PRPS1: variants seen among roughly 807,000 people sequenced by gnomAD.
PRPS1 encodes phosphoribosyl pyrophosphate synthetase 1.
PRPS1 carries 1 observed loss-of-function variant against 16.9 expected under a neutral mutation model. The observed-to-expected ratio is 0.06, with a 90% CI of 0.02 to 0.28. The LOEUF (loss-of-function observed/expected upper bound fraction) is 0.28. Ranked by LOEUF, PRPS1 falls within the 10% of genes least tolerant of loss-of-function variation. PRPS1 has a pLI of 1.00. For missense variants in PRPS1, 47 were observed against 254.0 expected (o/e 0.19, Z 5.54); for synonymous variants, 70 against 90.2 (o/e 0.78, Z 1.27).
chrX:107,645,445 T>C (rs1283969652), intron 5 of PRPS1, 95 bp downstream of exon 5: 1 of 1,043,008 alleles, frequency 9.6e-7, no homozygotes, highest in East Asian at 3.0e-5. Context: ...TGGAACCAAA[T>C]TGAGGGGATA....
At chrX:107,647,500 T>TA in intron 5 of PRPS1, 106 bp from the exon 6 acceptor site, 3 of 869,789 alleles carry the variant, frequency 3.4e-6, no homozygotes, top group Non-Finnish European at 4.9e-6. Flanking sequence ...TTTTTTTTCA[T>TA]ATGATATTTT....
chrX:107,645,357 G>T lies in PRPS1; in HGVS notation c.704+7G>T. On this transcript the variant is annotated splice_region_variant and intron_variant, in intron 5 of 6. Coordinates refer to ENST00000372435, the MANE Select transcript of PRPS1 (RefSeq NM_002764.4). ...TCTGCCATGCAGCTGACAAGTAAGT[G>T]TGGATTGATGGGGCTGGTAGTTAGA... The T allele has an allele frequency of 8.3e-7, 1 of 1,211,544 alleles. No individual in the cohort carries two copies. The highest frequency in any genetic ancestry group is 1.1e-6 in the Non-Finnish European group (1 of 895,218).
chrX:107,628,805 TAG>T (rs1047645641), intron 1 of PRPS1, 55 bp downstream of exon 1: 2 of 1,204,227 alleles, frequency 1.7e-6, no homozygotes, highest in African/African-American at 3.5e-5. Flanking sequence ...CGGCAGAGTA[TAG>T]GAGGGATGGG....
At chrX:107,639,558 A>AAT in intron 2 of PRPS1, 80 bp downstream of exon 2, 1 of 1,004,453 alleles carries the variant, frequency 1.0e-6, no homozygotes, top group South Asian at 2.0e-5. Context: ...AAAATTATCA[A>AAT]ATATATATTT....
rs1436656894 is a variant in PRPS1 at position 107,650,107 on chromosome X, TCAG to T, written c.*79_*81del. ...TTCCCCTTGGTATTTGATGACAAAT[TCAG>T]CAGAAGACCCGGCTTGCTCCAGTGT... On this transcript the variant is annotated 3_prime_UTR_variant, in exon 7 of 7. Transcript: ENST00000372435. The T allele has an allele frequency of 8.3e-7, 1 of 1,204,327 alleles. No individual in the cohort carries two copies. Among genetic ancestry groups the T allele is most frequent in the East Asian group, 3.0e-5 (1 of 33,569 alleles).
At chrX:107,628,850 G>T (rs1375716685) in intron 1 of PRPS1, 100 bp downstream of exon 1, 4 of 1,111,561 alleles carry the variant, frequency 3.6e-6, no homozygotes, top group South Asian at 3.8e-5. Flanking sequence ...ACTGGGGGTT[G>T]GGGGGAGAGG....
intron 6 of PRPS1, 70 bp from the exon 7 acceptor site, chrX:107,649,870 A>G (rs1466390534): frequency 3.5e-5 from 42 of 1,209,227 alleles, no homozygotes; most frequent in Non-Finnish European, 4.4e-5. Flanking sequence ...GCTGCTCATC[A>G]GTGTCTGCAA....
At chrX:107,635,476 C>G (rs149666552) in intron 1 of PRPS1, among the ~76,000 whole-genome samples, 1,547 of 108,481 alleles carry the variant, frequency 0.014, 29 homozygotes, top group African/African-American at 0.05. Flanking sequence ...GTGTCTCACT[C>G]TGTCACCCAG....
At chrX:107,649,276 A>G (rs991246862) in intron 6 of PRPS1, among the ~76,000 whole-genome samples, 4 of 110,080 alleles carry the variant, frequency 3.6e-5, no homozygotes, top group African/African-American at 1.3e-4. Context: ...TTGTAGAGAC[A>G]GAGTTTCACC....
chrX:107,630,060 C>A (rs1363190191), intron 1 of PRPS1: 1 of 112,311 alleles, frequency 8.9e-6, no homozygotes, highest in Non-Finnish European at 1.9e-5. Context: ...ACAGCTTCTT[C>A]CCGAATTATT....
At position 107,650,098 on chromosome X, in the gene PRPS1, A is replaced by G. The variant is rs1297624142; in HGVS notation, c.*66A>G. ...CACCCTTGTTTCCCCTTGGTATTTG[A>G]TGACAAATTCAGCAGAAGACCCGGC... is the stretch of plus-strand genomic sequence containing the variant. On this transcript the variant is annotated 3_prime_UTR_variant, in exon 7 of 7. Transcript: ENST00000372435. 1 of 1,206,294 alleles carries G rather than the reference A, an allele frequency of 8.3e-7. No homozygotes were observed. The highest frequency in any genetic ancestry group is 1.8e-5 in the African/African-American group (1 of 57,028).
Position 107,639,318 on chromosome X carries a change from G to A in PRPS1, c.146G>A (p.Arg49His), listed in dbSNP as rs1925521031. ...ETCVEIGESV[R>H]GEDVYIVQSG... ...AGTGTGGAAATTGGTGAAAGTGTAC[G>A]TGGAGAGGATGTCTACATTGTTCAG... is the stretch of plus-strand genomic sequence containing the variant. The change falls in exon 2 of 7, where the codon CGT becomes CAT. Residue 49 changes from arginine to histidine, a missense_variant. By Grantham distance (29) the Arg-to-His change is conservative (BLOSUM62 0). Around this residue, in one of 3 missense-constraint regions of PRPS1, gnomAD observed 19 missense variants for 155.6 expected, o/e 0.12. Coordinates refer to ENST00000372435, the MANE Select transcript of PRPS1 (RefSeq NM_002764.4). The A allele has an allele frequency of 8.3e-7, 1 of 1,209,377 alleles. No individual in the cohort carries two copies. Among genetic ancestry groups the A allele is most frequent in the African/African-American group, 1.8e-5 (1 of 57,077 alleles).
chrX:107,641,063 G>A (rs1343920911), intron 3 of PRPS1, 63 bp downstream of exon 3: 2 of 1,209,245 alleles, frequency 1.7e-6, no homozygotes, highest in Non-Finnish European at 2.2e-6. Context: ...TGATGCTGAA[G>A]ACTGCAGAGA....
At position 107,639,275 on chromosome X, in the gene PRPS1, T is replaced by A. The variant is rs1925520381; in HGVS notation, c.123-20T>A. On this transcript the variant is annotated intron_variant, in intron 1 of 6. Coordinates refer to ENST00000372435, the MANE Select transcript of PRPS1 (RefSeq NM_002764.4). ...CAGTGGTTTAAAATCTATTTCATGT[T>A]CTTTCTTTCCTCATTGTAGTGTGGA... 1 of 1,205,927 alleles carries A rather than the reference T, an allele frequency of 8.3e-7. No homozygotes were observed. Among genetic ancestry groups the A allele is most frequent in the African/African-American group, 1.7e-5 (1 of 57,188 alleles).
rs1358941044 is a variant in PRPS1, at chrX:107,650,703, T to C, written c.*671T>C. ...GATTTGGCTTTACCTTCATCTATCT[T>C]GATCCTTTCCTGGCCAAATATCCTC... On this transcript the variant is annotated 3_prime_UTR_variant, in exon 7 of 7. Transcript: ENST00000372435. The C allele has an allele frequency of 2.4e-5, 7 of 296,831 alleles. No homozygotes were observed. The highest frequency in any genetic ancestry group is 4.1e-5 in the Non-Finnish European group (7 of 170,856). 24.5% of individuals were successfully genotyped at this position (296,831 alleles called of 1,213,427 possible).
intron 4 of PRPS1, among the ~76,000 whole-genome samples, chrX:107,642,775 C>T (rs1314837034): frequency 1.8e-5 from 2 of 111,630 alleles, no homozygotes; most frequent in Non-Finnish European, 3.8e-5. Context: ...AGCTATAAAC[C>T]TTTTGGGAAG....
intron 4 of PRPS1, among the ~76,000 whole-genome samples, chrX:107,643,701 G>A (rs1328813350): frequency 9.0e-6 from 1 of 111,241 alleles, no homozygotes; most frequent in East Asian, 2.8e-4. Context: ...GAATTTGTTG[G>A]CCTTTGAGTA....
At position 107,628,619 on chromosome X, in the gene PRPS1, G is replaced by C; in HGVS notation, c.-10G>C. On this transcript the variant is annotated 5_prime_UTR_variant, in exon 1 of 7. Transcript: ENST00000372435. ...ATCGCTTAGTGGAGTGCTTAGGGTA[G>C]TTGGCCAGGATGCCGAATATCAAAA... is the stretch of plus-strand genomic sequence containing the variant. 1 of 1,211,862 alleles carries C rather than the reference G, an allele frequency of 8.3e-7. No individual in the cohort carries two copies. Among genetic ancestry groups the C allele is most frequent in the Non-Finnish European group, 1.1e-6 (1 of 895,582 alleles).
At chrX:107,639,203 G>T in intron 1 of PRPS1, 92 bp from the exon 2 acceptor site, 1 of 1,038,690 alleles carries the variant, frequency 9.6e-7, no homozygotes, top group Non-Finnish European at 1.4e-6. Context: ...TCCACACTTG[G>T]TTGAATCCAT....
Sources: allele counts gnomAD v4.1 joint callset (sites outside exome capture counted in the v4.1 genomes callset), GRCh38; gene constraint gnomAD v4.1.1; regional missense constraint gnomAD v4.1.1; transcripts MANE v1.5; gene names NCBI Gene and HGNC (gene_info 2026-07-23, HGNC 2026-07-21).